STARD4: variants seen among roughly 807,000 people sequenced by gnomAD.
STARD4 encodes StAR related lipid transfer domain containing 4, also known as stAR-related lipid transfer protein 4.
STARD4 carries 33 observed loss-of-function variants against 24.9 expected under a neutral mutation model. That is an observed-to-expected ratio of 1.32 (90% CI 1.00 to 1.77). The LOEUF (loss-of-function observed/expected upper bound fraction) is 1.77. Among genes scored for constraint, STARD4 ranks in the 40% most tolerant of loss-of-function variants. STARD4 has a pLI of 0.00. For synonymous variants in STARD4, 88 were observed against 77.4 expected (o/e 1.14, Z -0.72); for missense variants, 238 against 249.3 (o/e 0.95, Z 0.31).
Position 111,500,022 on chromosome 5 carries a change from T to A in STARD4, c.482A>T (p.Lys161Ile). The A allele has an allele frequency of 6.2e-7, 1 of 1,614,144 alleles. No homozygotes were observed. The highest frequency in any genetic ancestry group is 1.1e-5 in the South Asian group (1 of 91,078). The change falls in exon 6 of 6, where the codon AAA (lysine) becomes ATA (isoleucine). Residue 161 changes from lysine (K) to isoleucine (I), a missense_variant. Transcript: ENST00000296632. ...HPCGWFCVPLKDNPNQSLLTG... is the reference protein window; with the variant it reads ...HPCGWFCVPLIDNPNQSLLTG... Reference sequence around the variant, plus strand: ...CAAAAGACTCTGGTTTGGGTTGTCTTTAAGTGGAACACAAAACCAACCACA... The same window carrying A: ...CAAAAGACTCTGGTTTGGGTTGTCTATAAGTGGAACACAAAACCAACCACA...
At chr5:111,501,280 C>T (rs1166928719) in intron 4 of STARD4, among the ~76,000 whole-genome samples, 164 bp from the exon 5 acceptor site, 1 of 152,156 alleles carries the variant, frequency 6.6e-6, no homozygotes, top group Non-Finnish European at 1.5e-5. Flanking sequence ...TATTCTAAAT[C>T]TCACTGCTAT....
intron 1 of STARD4, among the ~76,000 whole-genome samples, chr5:111,509,815 A>C (rs1444097179): frequency 6.6e-6 from 1 of 152,126 alleles, no homozygotes; most frequent in Non-Finnish European, 1.5e-5. Context: ...CCAATCCTAG[A>C]GCTTCTGAAT....
At chr5:111,505,069 T>A in intron 3 of STARD4, 2 of 454,392 alleles carry the variant, frequency 4.4e-6, no homozygotes, top group Middle Eastern at 3.3e-4. Context: ...CCAGTGTTTC[T>A]CATATGTGTT....
At chr5:111,508,144 C>G (rs373371029) in intron 1 of STARD4, among the ~76,000 whole-genome samples, 5 of 152,078 alleles carry the variant, frequency 3.3e-5, no homozygotes, top group African/African-American at 1.2e-4. Context: ...CAGTTTAAAC[C>G]TCCTATCCTT....
At chr5:111,501,207 A>G (rs888416492) in intron 4 of STARD4, 91 bp from the exon 5 acceptor site, 2 of 1,268,212 alleles carry the variant, frequency 1.6e-6, no homozygotes, top group Non-Finnish European at 2.1e-6. Flanking sequence ...AGAAACTAAT[A>G]TTTATTTAAA....
chr5:111,509,330 A>G (rs984316500), intron 1 of STARD4, among the ~76,000 whole-genome samples: 1 of 152,156 alleles, frequency 6.6e-6, no homozygotes, highest in African/African-American at 2.4e-5. Flanking sequence ...GAAAGTTATT[A>G]TTATCATAAG....
chr5:111,501,192 T>C, intron 4 of STARD4, 76 bp from the exon 5 acceptor site: 1 of 1,398,918 alleles, frequency 7.1e-7, no homozygotes, highest in Non-Finnish European at 9.6e-7. Context: ...AACTTATCTC[T>C]GGAAAGAAAC....
At chr5:111,504,921 C>A in intron 3 of STARD4, 1 of 436,826 alleles carries the variant, frequency 2.3e-6, no homozygotes, top group Non-Finnish European at 4.5e-6. Flanking sequence ...CCATCGCTAT[C>A]ATTAAATCTT....
chr5:111,501,833 G>A, intron 4 of STARD4, 129 bp downstream of exon 4: 6 of 1,289,054 alleles, frequency 4.7e-6, no homozygotes, highest in Non-Finnish European at 6.4e-6. Flanking sequence ...TGATATCTTT[G>A]TCGTGACTGC....
Position 111,500,056 on chromosome 5 carries a change from T to C in STARD4, c.448A>G (p.Asn150Asp). ...ACACAAAACCAACCACAGGGATGGTTATATCCTCGAACAAATTCTGGTCTC... is the reference window on the plus strand; with the variant it reads ...ACACAAAACCAACCACAGGGATGGTCATATCCTCGAACAAATTCTGGTCTC... ...EKRPEFVRGY[N>D]HPCGWFCVPL... The change falls in exon 6 of 6, where the codon AAC (asparagine) becomes GAC (aspartate). Residue 150 changes from asparagine (N) to aspartate (D), a missense_variant. Transcript: ENST00000296632. 1 of 1,614,050 alleles carries C rather than the reference T, an allele frequency of 6.2e-7. No homozygotes were observed. The highest frequency in any genetic ancestry group is 8.5e-7 in the Non-Finnish European group (1 of 1,179,918).
chr5:111,511,486 T>C (rs559264360), intron 1 of STARD4, among the ~76,000 whole-genome samples: 4 of 152,302 alleles, frequency 2.6e-5, no homozygotes, highest in Admixed American at 1.3e-4. Context: ...AGCTCTAGGA[T>C]TGGTGTAAAT....
chr5:111,502,167 G>A (rs758596048), intron 3 of STARD4, 79 bp from the exon 4 acceptor site: 5 of 1,491,716 alleles, frequency 3.4e-6, no homozygotes, highest in Non-Finnish European at 2.7e-6. Flanking sequence ...AGCTAACTTT[G>A]AAAGTAAGGA....
At chr5:111,508,893 A>AC (rs1757049457) in intron 1 of STARD4, among the ~76,000 whole-genome samples, 1 of 152,178 alleles carries the variant, frequency 6.6e-6, no homozygotes, top group African/African-American at 2.4e-5. Flanking sequence ...ACCACTAATT[A>AC]GAGCATATAA....
intron 3 of STARD4, among the ~76,000 whole-genome samples, chr5:111,502,679 G>A (rs993995821): frequency 9.2e-5 from 14 of 151,890 alleles, no homozygotes; most frequent in African/African-American, 3.4e-4. Context: ...AGTAATCCCA[G>A]CTACTTGGGA....
At position 111,499,941 on chromosome 5, in the gene STARD4, G is replaced by T; in HGVS notation, c.563C>A (p.Thr188Lys). Residue 188 changes from threonine (T) to lysine (K), a missense_variant, in exon 6 of 6, where the codon ACA (threonine) becomes AAA (lysine). By Grantham distance (78) the Thr-to-Lys change is moderately conservative (BLOSUM62 -1). Coordinates refer to ENST00000296632, the MANE Select transcript of STARD4 (RefSeq NM_139164.3). ...GTTGGTTAAAGTGCTTGCCATGGCT[G>T]TATCTACCGCAGACTGAGGAATCAT... ...RGMIPQSAVDTAMASTLTNFY... is the reference protein window; with the variant it reads ...RGMIPQSAVDKAMASTLTNFY... 14 of 1,614,088 alleles carry T rather than the reference G, an allele frequency of 8.7e-6. No individual in the cohort carries two copies. The highest frequency in any genetic ancestry group is 1.2e-5 in the Non-Finnish European group (14 of 1,180,002).
At chr5:111,503,710 A>C (rs1172681325) in intron 3 of STARD4, among the ~76,000 whole-genome samples, 1 of 152,222 alleles carries the variant, frequency 6.6e-6, no homozygotes, top group African/African-American at 2.4e-5. Flanking sequence ...TTGTGACCTC[A>C]GAGTACAGGG....
Position 111,498,948 on chromosome 5 carries a change from G to A in STARD4, c.*938C>T, listed in dbSNP as rs1324114263. 1 of 152,102 alleles carries A rather than the reference G, an allele frequency of 6.6e-6. No homozygotes were observed. Among genetic ancestry groups the A allele is most frequent in the African/African-American group, 2.4e-5 (1 of 41,402 alleles). 9.4% of individuals were successfully genotyped at this position (152,102 alleles called of 1,614,324 possible). ...AACTACCATGCACTTGAAACACTAT[G>A]TACCTTTCTGCATTTCATGTCTTGT... On this transcript the variant is annotated 3_prime_UTR_variant, in exon 6 of 6. Coordinates refer to ENST00000296632, the MANE Select transcript of STARD4 (RefSeq NM_139164.3).
At chr5:111,504,772 T>C (rs909422277) in intron 3 of STARD4, among the ~76,000 whole-genome samples, 1 of 152,248 alleles carries the variant, frequency 6.6e-6, no homozygotes, top group African/African-American at 2.4e-5. Flanking sequence ...GATTCAACTA[T>C]GGCTCTTCTT....
At position 111,501,091 on chromosome 5, in the gene STARD4, G is replaced by C. The variant is rs773934882; in HGVS notation, c.308C>G (p.Thr103Ser). The C allele has an allele frequency of 1.2e-6, 2 of 1,608,562 alleles. No individual in the cohort carries two copies. Among genetic ancestry groups the C allele is most frequent in the Middle Eastern group, 3.3e-4 (2 of 6,046 alleles). The change falls in exon 5 of 6, where the codon ACT becomes AGT. Residue 103 changes from threonine to serine, a missense_variant. Coordinates refer to ENST00000296632, the MANE Select transcript of STARD4 (RefSeq NM_139164.3). ...AATTATATTCCAAAGCTGACCAGCA[G>C]TAGTGTAACGCATCACACAGCAATT... ...EENCCVMRYT[T>S]AGQLWNIISP...
Sources: allele counts gnomAD v4.1 joint callset (sites outside exome capture counted in the v4.1 genomes callset), GRCh38; gene constraint gnomAD v4.1.1; transcripts MANE v1.5; gene names NCBI Gene and HGNC (gene_info 2026-07-23, HGNC 2026-07-21).